The following OCM variants were observed in gnomAD, a reference collection of about 807,000 sequenced individuals.
OCM encodes oncomodulin-1.
A neutral mutation model predicts 14.1 loss-of-function variants in OCM; 18 were observed. The observed-to-expected ratio is 1.28, with a 90% CI of 0.88 to 1.89. The LOEUF is 1.89. Ranked by LOEUF, OCM falls within the 40% of genes most tolerant of loss-of-function variation. OCM has a pLI of 0.00. For synonymous variants in OCM, 48 were observed against 51.0 expected (o/e 0.94, Z 0.25); for missense variants, 140 against 137.6 (o/e 1.02, Z -0.09).
the OCM span, among the ~76,000 whole-genome samples, chr7:5,869,340 G>T: frequency 1.2e-3 from 180 of 151,532 alleles, no homozygotes; most frequent in Admixed American, 2.3e-3. Context: ...GCTCATGGCT[G>T]TAATCCCAGC....
chr7:5,871,349 T>G, the OCM span, among the ~76,000 whole-genome samples: 3 of 138,706 alleles, frequency 2.2e-5, no homozygotes, highest in African/African-American at 3.1e-5. Flanking sequence ...AGTGAGTCCT[T>G]GTCTCAAAAA....
chr7:5,864,458 C>T, the OCM span, among the ~76,000 whole-genome samples: 4 of 152,046 alleles, frequency 2.6e-5, no homozygotes, highest in African/African-American at 9.7e-5. Flanking sequence ...CTCTTTTCTC[C>T]TCCACGTTCT....
At chr7:5,871,379 G>C in the OCM span, among the ~76,000 whole-genome samples, 1 of 151,452 alleles carries the variant, frequency 6.6e-6, no homozygotes. Context: ...AAATTAAAGA[G>C]GTAGGGGTCT....
At chr7:5,876,729 G>A (rs62457663), upstream of OCM, among the ~76,000 whole-genome samples, 16,366 of 152,054 alleles carry the variant, frequency 0.11, 1,319 homozygotes, top group Admixed American at 0.27. Flanking sequence ...TATATTTGGG[G>A]CAAAGTGAAG....
chr7:5,876,883 G>A (rs550132787), upstream of OCM, among the ~76,000 whole-genome samples: 1 of 149,670 alleles, frequency 6.7e-6, no homozygotes, highest in Non-Finnish European at 1.5e-5. Context: ...TCGGCTCACC[G>A]CAACCTCCAC....
the OCM span, among the ~76,000 whole-genome samples, chr7:5,869,100 G>T: frequency 1.3e-5 from 2 of 151,944 alleles, no homozygotes; most frequent in African/African-American, 4.8e-5. Flanking sequence ...AAAGGACTGA[G>T]TCCAAAGTTC....
chr7:5,864,225 G>C, the OCM span, among the ~76,000 whole-genome samples: 35 of 151,564 alleles, frequency 2.3e-4, no homozygotes, highest in Non-Finnish European at 4.9e-4. Flanking sequence ...TGTGGTCCCA[G>C]CTCCTGGTTG....
intron 3 of OCM, among the ~76,000 whole-genome samples, chr7:5,885,147 A>G (rs1781306670): frequency 6.6e-6 from 1 of 151,540 alleles, no homozygotes; most frequent in Non-Finnish European, 1.5e-5. Flanking sequence ...CATAACCATG[A>G]AGGATTTCCA....
At chr7:5,863,119 C>T in the OCM span, among the ~76,000 whole-genome samples, 1 of 152,166 alleles carries the variant, frequency 6.6e-6, no homozygotes. Context: ...GCCTCATTGA[C>T]ATGTAAAATG....
the OCM span, among the ~76,000 whole-genome samples, chr7:5,859,743 G>A: frequency 6.6e-6 from 1 of 151,918 alleles, no homozygotes; most frequent in African/African-American, 2.4e-5. Flanking sequence ...TGTTGTCCAG[G>A]CTGGAGTGCA....
At chr7:5,864,966 G>T in the OCM span, among the ~76,000 whole-genome samples, 116 of 152,208 alleles carry the variant, frequency 7.6e-4, no homozygotes, top group African/African-American at 2.5e-3. Flanking sequence ...GGGAAATAGA[G>T]TGTGATTTCC....
upstream of OCM, chr7:5,880,750 C>T (rs1235060364): frequency 1.4e-6 from 1 of 725,978 alleles, no homozygotes; most frequent in Non-Finnish European, 2.2e-6. Flanking sequence ...CAGAGTGAGA[C>T]TCCGTCTTAA....
the OCM span, among the ~76,000 whole-genome samples, chr7:5,860,464 CGTATATATACGT>C: frequency 0.24 from 14,079 of 57,530 alleles, 3,049 homozygotes; most frequent in African/African-American, 0.55. Flanking sequence ...TATATTATTA[CGTATATATACGT>C]GTATATATAC....
At chr7:5,866,170 A>T in the OCM span, among the ~76,000 whole-genome samples, 27 of 151,408 alleles carry the variant, frequency 1.8e-4, no homozygotes, top group African/African-American at 6.1e-4. Context: ...AAAAAAAAAA[A>T]TTTAATTAGC....
upstream of OCM, among the ~76,000 whole-genome samples, chr7:5,878,476 G>C (rs200310759): frequency 1.3e-3 from 194 of 151,470 alleles, no homozygotes; most frequent in East Asian, 0.015. Context: ...GCCGGGCGCG[G>C]TGGCTCACGC....
intron 2 of OCM, 42 bp from the exon 3 acceptor site, chr7:5,883,848 T>G: frequency 6.2e-7 from 1 of 1,612,392 alleles, no homozygotes; most frequent in Non-Finnish European, 8.5e-7. Flanking sequence ...CAGAGATGCA[T>G]GATCTTTTTG....
chr7:5,876,249 G>A (rs936545496), upstream of OCM, among the ~76,000 whole-genome samples: 2 of 151,892 alleles, frequency 1.3e-5, no homozygotes, highest in Non-Finnish European at 2.9e-5. Context: ...GGTAATCCAC[G>A]TGCCTCGGCC....
At chr7:5,877,312 C>T (rs982222461), upstream of OCM, among the ~76,000 whole-genome samples, 2 of 149,534 alleles carry the variant, frequency 1.3e-5, no homozygotes, top group African/African-American at 4.9e-5. Flanking sequence ...CAAAAAAATA[C>T]AAAAAATTAG....
the OCM span, among the ~76,000 whole-genome samples, chr7:5,863,453 C>G: frequency 5.3e-5 from 8 of 151,444 alleles, 1 homozygote; most frequent in South Asian, 2.1e-4. Flanking sequence ...CGTGGAGTGA[C>G]GTGCTTGAGA....
Sources: allele counts gnomAD v4.1 joint callset (sites outside exome capture counted in the v4.1 genomes callset), GRCh38; gene constraint gnomAD v4.1.1; transcripts MANE v1.5; gene names NCBI Gene and HGNC (gene_info 2026-07-23, HGNC 2026-07-21).